Variants in PFKFB2 observed in about 807,000 individuals in gnomAD.
PFKFB2 encodes the protein 6-phosphofructo-2-kinase/fructose-2,6-bisphosphatase 2.
A neutral mutation model predicts 68.0 loss-of-function variants in PFKFB2; 53 were observed. The observed-to-expected ratio is 0.78, with a 90% confidence interval of 0.63 to 0.98. The LOEUF (loss-of-function observed/expected upper bound fraction) is 0.98, where lower values mean the gene tolerates loss of function less well. Among genes scored for constraint, PFKFB2 ranks in the 50% least tolerant of loss-of-function variants. PFKFB2 has a pLI of 0.00. For missense variants in PFKFB2, 451 were observed against 642.0 expected (o/e 0.70, Z 3.22); for synonymous variants, 222 against 227.6 (o/e 0.98, Z 0.22).
intron 2 of PFKFB2, among the ~76,000 whole-genome samples, chr1:207,043,351 T>C (rs1358505036): frequency 6.6e-6 from 1 of 152,206 alleles, no homozygotes; most frequent in Non-Finnish European, 1.5e-5. Flanking sequence ...TCCACGTCCA[T>C]AATTTTAAAG....
At chr1:207,037,408 G>T (rs1030186665) in intron 1 of PFKFB2, among the ~76,000 whole-genome samples, 6 of 152,130 alleles carry the variant, frequency 3.9e-5, no homozygotes, top group African/African-American at 1.4e-4. Flanking sequence ...CTTGCAGCTT[G>T]GTGCTGAGTC....
intron 2 of PFKFB2, 39 bp from the exon 3 acceptor site, chr1:207,061,914 T>C (rs905709258): frequency 7.7e-6 from 12 of 1,562,440 alleles, no homozygotes; most frequent in African/African-American, 1.4e-5. Context: ...TTACTAGGAC[T>C]CTAGTCATTT....
chr1:207,066,326 A>G (rs898798490), intron 8 of PFKFB2, among the ~76,000 whole-genome samples: 2 of 152,246 alleles, frequency 1.3e-5, no homozygotes, highest in African/African-American at 2.4e-5. Flanking sequence ...TAACAGCTCT[A>G]TTCACATAAT....
rs567198361 is a variant in PFKFB2 at position 207,070,191 on chromosome 1, A to T, written c.1093-89A>T. The T allele has an allele frequency of 4.2e-5, 62 of 1,488,278 alleles. 1 individual carries two copies. Among genetic ancestry groups the T allele is most frequent in the Non-Finnish European group, 5.6e-5 (61 of 1,088,978 alleles). The allele number at this position is 1,488,278 out of a possible 1,614,324, so 92.2% of individuals were successfully genotyped here. A position where few individuals can be genotyped will look rare whatever the true frequency, so the allele number is the denominator to read the frequency against. On this transcript the variant is annotated intron_variant, in intron 11 of 14. Coordinates refer to ENST00000367080, the MANE Select transcript of PFKFB2 (RefSeq NM_006212.2). This position sits in a 1 kb window ranked among gnomAD's most constrained non-coding sequence, Gnocchi z 4.2. ...GAGGAAAGCCAGCTGAGGAAGAAGA[A>T]GTGGCCCTTAGTCTCCAAGGTCCAG...
chr1:207,037,357 G>C (rs1169351181), intron 1 of PFKFB2, among the ~76,000 whole-genome samples: 1 of 152,102 alleles, frequency 6.6e-6, no homozygotes, highest in African/African-American at 2.4e-5. Context: ...TTAAATGCTA[G>C]TTCTTCTTCC....
chr1:207,070,374 G>T lies in PFKFB2; in HGVS notation c.1187G>T (p.Arg396Leu). The change falls in exon 12 of 15, where the codon CGC (arginine) becomes CTC (leucine). Residue 396 changes from arginine to leucine, a missense_variant. Physicochemically the swap from Arg to Leu is moderately radical, Grantham distance 102. Transcript: ENST00000367080. This position sits in a 1 kb window ranked among gnomAD's most constrained non-coding sequence, Gnocchi z 4.2. ...GTCATCTCCCACCAGGCTGTCATGC[G>T]CTGCCTCCTGGCCTACTTCTTGGAT... ...VLVISHQAVM[R>L]CLLAYFLDKG... The T allele has an allele frequency of 1.2e-6, 2 of 1,613,880 alleles. No homozygotes were observed. Among genetic ancestry groups the T allele is most frequent in the Non-Finnish European group, 1.7e-6 (2 of 1,179,952 alleles).
intron 10 of PFKFB2, among the ~76,000 whole-genome samples, chr1:207,068,575 G>C (rs1179025192): frequency 6.6e-6 from 1 of 152,072 alleles, no homozygotes; most frequent in Non-Finnish European, 1.5e-5. Flanking sequence ...GGAAAGTAGG[G>C]CTAACAAGGA....
intron 8 of PFKFB2, among the ~76,000 whole-genome samples, chr1:207,066,413 G>A (rs1050109687): frequency 4.6e-5 from 7 of 152,158 alleles, no homozygotes; most frequent in Non-Finnish European, 1.0e-4. Context: ...AATGTTTTGA[G>A]CCTTTCAGTT....
chr1:207,063,521 G>T lies in PFKFB2; in HGVS notation c.450+100G>T. The T allele has an allele frequency of 1.2e-6, 1 of 829,032 alleles. No homozygotes were observed. Among genetic ancestry groups the T allele is most frequent in the Non-Finnish European group, 2.1e-6 (1 of 486,018 alleles). 51.4% of individuals were successfully genotyped at this position (829,032 alleles called of 1,614,324 possible). ...ACTCTAGTGGGTGAGGACAGGATGG[G>T]ATATCTGAATCTCTTCTCTCAGAGC... On this transcript the variant is annotated intron_variant, in intron 6 of 14. Transcript: ENST00000367080. This position sits in a 1 kb window ranked among gnomAD's most constrained non-coding sequence, Gnocchi z 4.1.
At chr1:207,064,662 T>A (rs1389707651) in intron 7 of PFKFB2, among the ~76,000 whole-genome samples, 2 of 152,178 alleles carry the variant, frequency 1.3e-5, no homozygotes, top group African/African-American at 4.8e-5. Flanking sequence ...GGAAGAGCCA[T>A]CTGGTCCCAA....
chr1:207,049,485 T>C (rs115215260), upstream of PFKFB2: 817 of 1,614,232 alleles, frequency 5.1e-4, 4 homozygotes, highest in African/African-American at 7.7e-3. Flanking sequence ...TATAGAAGTC[T>C]GGATCGCTTG....
At chr1:207,050,715 T>A, upstream of PFKFB2, 1 of 1,613,196 alleles carries the variant, frequency 6.2e-7, no homozygotes. Context: ...TCTTCCAGAA[T>A]GGTATCCCCA....
chr1:207,066,546 A>G (rs997432658), intron 8 of PFKFB2, among the ~76,000 whole-genome samples: 71 of 152,246 alleles, frequency 4.7e-4, no homozygotes, highest in African/African-American at 1.6e-3. Context: ...GAAGATCTAC[A>G]TATATATACA....
At chr1:207,035,276 T>G in intron 1 of PFKFB2, 1 of 821,362 alleles carries the variant, frequency 1.2e-6, no homozygotes, top group Non-Finnish European at 1.5e-6. Context: ...CTTAGGCACC[T>G]CCCTTCCCTC....
chr1:207,064,718 A>G (rs574198327), intron 7 of PFKFB2, among the ~76,000 whole-genome samples: 1 of 152,322 alleles, frequency 6.6e-6, no homozygotes, highest in East Asian at 1.9e-4. Flanking sequence ...GTAATAGGGA[A>G]ACATTGGAGC....
At chr1:207,071,698 A>G (rs1558065840) in intron 14 of PFKFB2, 125 bp downstream of exon 14, 1 of 712,254 alleles carries the variant, frequency 1.4e-6, no homozygotes, top group South Asian at 1.7e-5. Context: ...CTTACGTCCA[A>G]ATGTAGTTTG....
At position 207,075,061 on chromosome 1, in the gene PFKFB2, A is replaced by C. The variant is rs1002315087; in HGVS notation, c.*2690A>C. 1.3e-5 allele frequency: 13 copies of C among 985,344 alleles called. No homozygotes were observed. The highest frequency in any genetic ancestry group is 2.3e-4 in the East Asian group (2 of 8,824). 61.0% of individuals were successfully genotyped at this position (985,344 alleles called of 1,614,324 possible). ...TTCTGCTGTGAGGTAAGAGTAATTC[A>C]GACCTAATGAATGAGAAGAGGGAGC... On this transcript the variant is annotated 3_prime_UTR_variant, in exon 15 of 15. Coordinates refer to ENST00000367080, the MANE Select transcript of PFKFB2 (RefSeq NM_006212.2).
intron 1 of PFKFB2, among the ~76,000 whole-genome samples, chr1:207,041,569 C>A (rs1205720444): frequency 6.6e-6 from 1 of 152,196 alleles, no homozygotes; most frequent in African/African-American, 2.4e-5. Flanking sequence ...TGAACTCATT[C>A]TTTTCTATGG....
chr1:207,066,619 A>AT lies in PFKFB2; in HGVS notation c.633-874dup, dbSNP rs1287371464. Among the ~76,000 whole-genome samples, 12 of 151,874 alleles carry AT rather than the reference A, an allele frequency of 7.9e-5. No individual in the cohort carries two copies. In the East Asian group the frequency reaches 2.1e-3, roughly 27 times the overall value. ...GATGCGTGATTTGCATCCTTCCATCATTTTTTCTGATTTTTTGATTTAAAA... is the reference window on the plus strand; with the variant it reads ...GATGCGTGATTTGCATCCTTCCATCATTTTTTTCTGATTTTTTGATTTAAAA... On this transcript the variant is annotated intron_variant, in intron 8 of 14. Coordinates refer to ENST00000367080, the MANE Select transcript of PFKFB2 (RefSeq NM_006212.2).
Sources: allele counts gnomAD v4.1 joint callset (sites outside exome capture counted in the v4.1 genomes callset), GRCh38; gene constraint gnomAD v4.1.1; non-coding constraint Gnocchi (gnomAD v3.1); transcripts MANE v1.5; gene names NCBI Gene and HGNC (gene_info 2026-07-23, HGNC 2026-07-21).